KIAA1549L: variants seen among roughly 807,000 people sequenced by gnomAD.
KIAA1549L encodes UPF0606 protein KIAA1549L.
KIAA1549L carries 88 observed loss-of-function variants against 160.7 expected under a neutral mutation model. The ratio of observed to expected loss-of-function variants is 0.55; its 90% CI spans 0.46 to 0.65. The LOEUF is 0.65. KIAA1549L is among the 30% of genes least tolerant of loss of function. The pLI is 0.00. For synonymous variants in KIAA1549L, 950 were observed against 976.7 expected (o/e 0.97, Z 0.51); for missense variants, 2,258 against 2,437.5 (o/e 0.93, Z 1.55).
chr11:33,526,037 C>T (rs1464063204), intron 1 of KIAA1549L, among the ~76,000 whole-genome samples: 1 of 152,140 alleles, frequency 6.6e-6, no homozygotes, highest in Non-Finnish European at 1.5e-5. Context: ...GATGGTTTTT[C>T]TCTACCCACC....
intron 1 of KIAA1549L, among the ~76,000 whole-genome samples, chr11:33,423,924 C>T (rs1851067532): frequency 6.6e-6 from 1 of 152,044 alleles, no homozygotes; most frequent in African/African-American, 2.4e-5. Flanking sequence ...AGCTAGTCTG[C>T]AGGCTGAGGC....
intron 1 of KIAA1549L, among the ~76,000 whole-genome samples, chr11:33,397,716 A>G (rs1388445015): frequency 4.4e-5 from 1 of 22,812 alleles, no homozygotes; most frequent in Admixed American, 4.6e-4. Flanking sequence ...CATCTCACAC[A>G]CACACACACA....
intron 9 of KIAA1549L, among the ~76,000 whole-genome samples, chr11:33,569,994 C>T (rs61888296): frequency 1.5e-5 from 1 of 67,768 alleles, no homozygotes; most frequent in Non-Finnish European, 3.3e-5. Flanking sequence ...TTCTTTCTCT[C>T]TCTCTCTCTC....
chr11:33,640,106 C>G (rs1190668864), intron 16 of KIAA1549L, among the ~76,000 whole-genome samples: 1 of 151,430 alleles, frequency 6.6e-6, no homozygotes, highest in East Asian at 1.9e-4. Context: ...ATATTTATGC[C>G]TGCATATATG....
chr11:33,473,439 G>T (rs777742730), intron 1 of KIAA1549L, among the ~76,000 whole-genome samples: 7 of 152,190 alleles, frequency 4.6e-5, no homozygotes, highest in Non-Finnish European at 7.3e-5. Context: ...TTGCATAGGA[G>T]TTGTCAGGAC....
intron 1 of KIAA1549L, among the ~76,000 whole-genome samples, chr11:33,507,105 T>C (rs1853109702): frequency 2.0e-5 from 3 of 152,104 alleles, no homozygotes; most frequent in African/African-American, 7.2e-5. Context: ...AGAAGGAACA[T>C]AGGGAGATCT....
Position 33,672,509 on chromosome 11 carries a change from G to T in KIAA1549L, c.*4355G>T, listed in dbSNP as rs1852698436. On this transcript the variant is annotated 3_prime_UTR_variant, in exon 21 of 21. Transcript: ENST00000658780. ...CCTTTCAGCAGGGACTTTTATTGGG[G>T]GCTGGTACCCAGAAGAAGGAGCATG... The T allele has an allele frequency of 6.5e-6, 1 of 153,388 alleles. No individual in the cohort carries two copies. The highest frequency in any genetic ancestry group is 2.1e-4 in the South Asian group (1 of 4,830). 9.5% of individuals were successfully genotyped at this position (153,388 alleles called of 1,614,324 possible). A position where few individuals can be genotyped will look rare whatever the true frequency, so the allele number is the denominator to read the frequency against.
chr11:33,601,381 A>G (rs1850355969), intron 13 of KIAA1549L, among the ~76,000 whole-genome samples: 1 of 152,222 alleles, frequency 6.6e-6, no homozygotes, highest in Non-Finnish European at 1.5e-5. Flanking sequence ...TGTTGTTTTT[A>G]TCAGAGGGTT....
At chr11:33,499,915 T>C (rs1456645311) in intron 1 of KIAA1549L, among the ~76,000 whole-genome samples, 1 of 152,192 alleles carries the variant, frequency 6.6e-6, no homozygotes, top group Non-Finnish European at 1.5e-5. Context: ...CTGATTTTTT[T>C]GGTTTGGCTT....
intron 1 of KIAA1549L, among the ~76,000 whole-genome samples, chr11:33,383,464 C>T (rs551449584): frequency 2.5e-4 from 38 of 152,148 alleles, no homozygotes; most frequent in African/African-American, 9.2e-4. Context: ...GACTTCAGGA[C>T]CAAAGGAGCA....
At chr11:33,634,370 A>G (rs1851383760) in intron 16 of KIAA1549L, among the ~76,000 whole-genome samples, 1 of 152,150 alleles carries the variant, frequency 6.6e-6, no homozygotes, top group Non-Finnish European at 1.5e-5. Flanking sequence ...ATTGTGTCAC[A>G]CACCAAAGAG....
intron 1 of KIAA1549L, among the ~76,000 whole-genome samples, chr11:33,441,280 A>G (rs1851499337): frequency 1.3e-5 from 2 of 151,914 alleles, no homozygotes; most frequent in African/African-American, 2.4e-5. Context: ...ATAGTATTCC[A>G]TGGTGTATAT....
In KIAA1549L at chr11:33,668,271, A is replaced by G; in HGVS notation, c.*117A>G. On this transcript the variant is annotated 3_prime_UTR_variant, in exon 21 of 21. Transcript: ENST00000658780. ...AATGGGTGAGTCTTTCTCACCCTCCATTTCTGAAAAGGTGAACTATGGGGC... is the reference window on the plus strand; with the variant it reads ...AATGGGTGAGTCTTTCTCACCCTCCGTTTCTGAAAAGGTGAACTATGGGGC... 2.1e-6 allele frequency: 2 copies of G among 954,572 alleles called. No individual in the cohort carries two copies. Among genetic ancestry groups the G allele is most frequent in the East Asian group, 2.7e-5 (1 of 37,716 alleles). The allele number at this position is 954,572 out of a possible 1,614,324, so 59.1% of individuals were successfully genotyped here. A position where few individuals can be genotyped will look rare whatever the true frequency, so the allele number is the denominator to read the frequency against.
At chr11:33,464,393 C>T (rs912861526) in intron 1 of KIAA1549L, among the ~76,000 whole-genome samples, 3 of 152,138 alleles carry the variant, frequency 2.0e-5, no homozygotes, top group African/African-American at 4.8e-5. Flanking sequence ...ACTTGAGTCT[C>T]TCGCTTATAT....
In KIAA1549L at chr11:33,569,403, A is replaced by G. The variant is rs140059719; in HGVS notation, c.4230+1176A>G. On this transcript the variant is annotated intron_variant, in intron 9 of 20. Transcript: ENST00000658780. Reference sequence around the variant, plus strand: ...CTGGAGTGGGGACTTCCTACCTGGAATTGAGCAGACTACCCCTGGCATGTG... The same window carrying G: ...CTGGAGTGGGGACTTCCTACCTGGAGTTGAGCAGACTACCCCTGGCATGTG... Among the ~76,000 whole-genome samples the G allele has an allele frequency of 9.2e-3, 1,403 of 152,334 alleles. 19 individuals are homozygous for G. The highest frequency in any genetic ancestry group is 0.042 in the South Asian group (201 of 4,830).
rs112176784 is a variant in KIAA1549L at position 33,502,209 on chromosome 11, T to C, written c.239-39593T>C. 1.3e-3 allele frequency among the ~76,000 whole-genome samples: 195 copies of C among 152,316 alleles called. 4 individuals carry two copies. The highest frequency in any genetic ancestry group is 4.5e-3 in the African/African-American group (188 of 41,562). On this transcript the variant is annotated intron_variant, in intron 1 of 20. Transcript: ENST00000658780. ...AGGCCTGATTCCTAATGAGATTCTG[T>C]TCCACTAGCTTCTGGGTAGAGCTAC...
At chr11:33,612,899 C>A (rs1257051840) in intron 15 of KIAA1549L, among the ~76,000 whole-genome samples, 1 of 152,156 alleles carries the variant, frequency 6.6e-6, no homozygotes, top group Non-Finnish European at 1.5e-5. Flanking sequence ...ATAATAGCCT[C>A]CAACTCCATC....
At chr11:33,423,337 G>A (rs1590234053) in intron 1 of KIAA1549L, among the ~76,000 whole-genome samples, 1 of 152,148 alleles carries the variant, frequency 6.6e-6, no homozygotes, top group African/African-American at 2.4e-5. Flanking sequence ...TGGAGGGGTG[G>A]TGAAATCATT....
At chr11:33,587,750 G>C (rs1849924594) in intron 11 of KIAA1549L, among the ~76,000 whole-genome samples, 1 of 152,230 alleles carries the variant, frequency 6.6e-6, no homozygotes, top group African/African-American at 2.4e-5. Flanking sequence ...TGAAAGGTAA[G>C]GGGCCAAATC....
Sources: allele counts gnomAD v4.1 joint callset (sites outside exome capture counted in the v4.1 genomes callset), GRCh38; gene constraint gnomAD v4.1.1; transcripts MANE v1.5; gene names NCBI Gene and HGNC (gene_info 2026-07-23, HGNC 2026-07-21).